The following PCDHA7 variants were observed in gnomAD, a reference collection of about 807,000 sequenced individuals.
PCDHA7 encodes protocadherin alpha 7, also known as protocadherin alpha-7.
Under a neutral mutation model 57.2 loss-of-function variants are expected in PCDHA7, and 37 were observed. The observed-to-expected ratio is 0.65, with a 90% CI of 0.50 to 0.85. PCDHA7 has a LOEUF of 0.85. Ranked by LOEUF, PCDHA7 falls within the 40% of genes least tolerant of loss-of-function variation. The pLI, the probability that PCDHA7 is intolerant of heterozygous loss-of-function variation, is 0.00. For missense variants in PCDHA7, 1,188 were observed against 1,241.8 expected (o/e 0.96, Z 0.65); for synonymous variants, 553 against 558.8 (o/e 0.99, Z 0.15).
At position 140,834,860 on chromosome 5, in the gene PCDHA7, T is replaced by C; in HGVS notation, c.477T>C (p.Asp159=). 6.2e-7 allele frequency: 1 copy of C among 1,610,304 alleles called. No homozygotes were observed. The highest frequency in any genetic ancestry group is 8.5e-7 in the Non-Finnish European group (1 of 1,178,790). Residue 159 remains aspartate (D), a synonymous_variant, in exon 1 of 4, where the codon GAT becomes GAC. Coordinates refer to ENST00000525929, the MANE Select transcript of PCDHA7 (RefSeq NM_018910.3). ...GGTTTCCACTAGAGGGCGCGTCCGATGCAGATATCGGGGAGAACGCCCTGC... is the reference window on the plus strand; with the variant it reads ...GGTTTCCACTAGAGGGCGCGTCCGACGCAGATATCGGGGAGAACGCCCTGC... ...DSRFPLEGAS[D]ADIGENALLT...
chr5:140,969,205 C>G (rs1046509500), intron 1 of PCDHA7: 6 of 1,614,130 alleles, frequency 3.7e-6, no homozygotes, highest in East Asian at 2.2e-5. Context: ...ATACAGGGGC[C>G]CAGACAGGAC....
chr5:140,883,649 A>T, intron 1 of PCDHA7: 1 of 1,613,516 alleles, frequency 6.2e-7, no homozygotes, highest in South Asian at 1.1e-5. Context: ...GCCCGAGTAC[A>T]CGGTGTTCGT....
At chr5:140,885,176 G>A (rs965470861) in intron 1 of PCDHA7, among the ~76,000 whole-genome samples, 1 of 151,510 alleles carries the variant, frequency 6.6e-6, no homozygotes. Context: ...TGTCCTCTAG[G>A]CACATCAGTG....
At chr5:140,882,648 A>C in intron 1 of PCDHA7, 1 of 1,614,216 alleles carries the variant, frequency 6.2e-7, no homozygotes, top group Non-Finnish European at 8.5e-7. Context: ...AGGGACATTA[A>C]CGACAACCCG....
chr5:140,881,886 C>G (rs2058857922), intron 1 of PCDHA7, among the ~76,000 whole-genome samples: 1 of 152,170 alleles, frequency 6.6e-6, no homozygotes, highest in African/African-American at 2.4e-5. Flanking sequence ...AACTCATCAA[C>G]CAATTGTCAG....
chr5:140,917,249 G>A (rs1439724525), intron 1 of PCDHA7, among the ~76,000 whole-genome samples: 1 of 149,466 alleles, frequency 6.7e-6, no homozygotes, highest in African/African-American at 2.5e-5. Flanking sequence ...TACTACGATT[G>A]CTCACCTGAT....
chr5:141,011,750 A>T lies in PCDHA7; in HGVS notation c.*1813A>T, dbSNP rs1554263628. The T allele has an allele frequency of 6.5e-6, 1 of 153,696 alleles. No individual in the cohort carries two copies. Among genetic ancestry groups the T allele is most frequent in the Non-Finnish European group, 1.5e-5 (1 of 68,036 alleles). 9.5% of individuals were successfully genotyped at this position (153,696 alleles called of 1,614,324 possible). A position where few individuals can be genotyped will look rare whatever the true frequency, so the allele number is the denominator to read the frequency against. On this transcript the variant is annotated 3_prime_UTR_variant, in exon 4 of 4. Transcript: ENST00000525929. ...TGCAAGCACAAATTTTACCAATCTG[A>T]CCTCTTTGAAGTTGCAGAATGCTTT... is the stretch of plus-strand genomic sequence containing the variant.
Position 141,009,469 on chromosome 5 carries a change from A to G in PCDHA7, c.2504-158A>G, listed in dbSNP as rs1440766583. On this transcript the variant is annotated intron_variant, in intron 3 of 3. Transcript: ENST00000525929. Reference sequence around the variant, plus strand: ...AAAAAAATTAAACAAATAAATAAATAAGTAAACACTTGCCTTGCCCTCAGA... The same window carrying G: ...AAAAAAATTAAACAAATAAATAAATGAGTAAACACTTGCCTTGCCCTCAGA... 6 of 956,242 alleles carry G rather than the reference A, an allele frequency of 6.3e-6. No homozygotes were observed. The African/African-American group carries it at 7.1e-5, about 11-fold the overall frequency. 59.2% of individuals were successfully genotyped at this position (956,242 alleles called of 1,614,324 possible). A position where few individuals can be genotyped will look rare whatever the true frequency, so the allele number is the denominator to read the frequency against.
At chr5:141,003,771 T>G (rs1301111940) in intron 3 of PCDHA7, among the ~76,000 whole-genome samples, 4 of 152,250 alleles carry the variant, frequency 2.6e-5, no homozygotes, top group African/African-American at 9.6e-5. Context: ...CGTATTCTGT[T>G]AAATAAACTT....
intron 1 of PCDHA7, chr5:140,883,026 A>C (rs1562783010): frequency 6.2e-7 from 1 of 1,614,190 alleles, no homozygotes; most frequent in Non-Finnish European, 8.5e-7. Context: ...ACGGTGTTAG[A>C]GAACGCCTTC....
intron 3 of PCDHA7, among the ~76,000 whole-genome samples, chr5:141,002,107 C>T (rs991036721): frequency 6.6e-6 from 1 of 152,246 alleles, no homozygotes. Context: ...GGGCCGGAAA[C>T]GGCTATAATC....
intron 1 of PCDHA7, chr5:140,969,487 T>C: frequency 6.8e-7 from 1 of 1,460,090 alleles, no homozygotes; most frequent in Non-Finnish European, 9.1e-7. Flanking sequence ...TAATCTGCTA[T>C]TTCCTCTCTA....
chr5:140,851,653 A>T, intron 1 of PCDHA7: 1 of 911,134 alleles, frequency 1.1e-6, no homozygotes. Context: ...TCAAGAAGAC[A>T]TTCTCCTTTT....
intron 3 of PCDHA7, among the ~76,000 whole-genome samples, chr5:141,006,790 T>A (rs1318848521): frequency 6.6e-6 from 1 of 152,130 alleles, no homozygotes; most frequent in African/African-American, 2.4e-5. Context: ...AATAATTAGC[T>A]TTGAACTTTC....
At chr5:140,997,472 C>CACA (rs1386540010) in intron 3 of PCDHA7, among the ~76,000 whole-genome samples, 12 of 152,120 alleles carry the variant, frequency 7.9e-5, no homozygotes, top group Non-Finnish European at 1.8e-4. Context: ...GCAATTTTTA[C>CACA]ACAATGATAA....
chr5:140,883,457 C>A lies in PCDHA7; in HGVS notation c.2355+46719C>A, dbSNP rs142331981. 13 of 1,614,078 alleles carry A rather than the reference C, an allele frequency of 8.1e-6. No individual in the cohort carries two copies. Among genetic ancestry groups the A allele is most frequent in the Non-Finnish European group, 1.1e-5 (13 of 1,180,050 alleles). On this transcript the variant is annotated intron_variant, in intron 1 of 3. Transcript: ENST00000525929. ...CTTGACGCCGCATGTCCCCTTCAAG[C>A]TGGTGTCCACCTACAAGAACTACTA...
At chr5:140,925,682 G>A (rs1554202871) in intron 1 of PCDHA7, among the ~76,000 whole-genome samples, 1 of 122,672 alleles carries the variant, frequency 8.2e-6, no homozygotes, top group Non-Finnish European at 1.8e-5. Context: ...ATAATAAAGC[G>A]AGGGTGGGTA....
rs2097783097 is a variant in PCDHA7, at chr5:140,997,727, C to T, written c.2504-11900C>T. Reference sequence around the variant, plus strand: ...TAACAAACACCTTTCTACGTCAGTACATATAGATTTGCCACAATCTTCTTG... The same window carrying T: ...TAACAAACACCTTTCTACGTCAGTATATATAGATTTGCCACAATCTTCTTG... On this transcript the variant is annotated intron_variant, in intron 3 of 3. Coordinates refer to ENST00000525929, the MANE Select transcript of PCDHA7 (RefSeq NM_018910.3). Among the ~76,000 whole-genome samples the T allele has an allele frequency of 2.0e-5, 3 of 151,244 alleles. No individual in the cohort carries two copies. In the South Asian group the frequency reaches 6.3e-4, roughly 32 times the overall value.
chr5:140,937,195 G>A lies in PCDHA7; in HGVS notation c.2356-41754G>A, dbSNP rs371063672. On this transcript the variant is annotated intron_variant, in intron 1 of 3. Coordinates refer to ENST00000525929, the MANE Select transcript of PCDHA7 (RefSeq NM_018910.3). ...TGGGACTACAGGCGCCCGCCACCAT[G>A]CCCGGCTAATTTTTTGTATTTTTTG... Among the ~76,000 whole-genome samples the A allele has an allele frequency of 1.5e-3, 231 of 151,994 alleles. 5 individuals are homozygous for A. The South Asian group carries it at 0.033, about 22-fold the overall frequency.
Sources: allele counts gnomAD v4.1 joint callset (sites outside exome capture counted in the v4.1 genomes callset), GRCh38; gene constraint gnomAD v4.1.1; transcripts MANE v1.5; gene names NCBI Gene and HGNC (gene_info 2026-07-23, HGNC 2026-07-21).